The following PKHD1 variants were observed in gnomAD, a reference collection of about 807,000 sequenced individuals.
The protein encoded by PKHD1 is fibrocystin.
In PKHD1, 291 loss-of-function variants were observed where a neutral mutation model predicts 412.0. The ratio of observed to expected loss-of-function variants is 0.71; its 90% CI spans 0.64 to 0.78. PKHD1 has a LOEUF of 0.78. Among genes scored for constraint, PKHD1 ranks in the 30% least tolerant of loss-of-function variants. PKHD1 has a pLI of 0.00. For synonymous variants in PKHD1, 1,777 were observed against 1,821.5 expected (o/e 0.98, Z 0.62); for missense variants, 4,825 against 4,950.7 (o/e 0.97, Z 0.76).
chr6:51,648,807 G>T (rs528724475), intron 62 of PKHD1, among the ~76,000 whole-genome samples: 1 of 152,324 alleles, frequency 6.6e-6, no homozygotes, highest in African/African-American at 2.4e-5. Context: ...TTTCAGAGAA[G>T]ATGTGACAGA....
chr6:51,901,932 T>C (rs1429819229), intron 43 of PKHD1, among the ~76,000 whole-genome samples: 1 of 152,168 alleles, frequency 6.6e-6, no homozygotes, highest in African/African-American at 2.4e-5. Context: ...CTGGGTATTA[T>C]TCTACAGGTC....
At position 51,747,804 on chromosome 6, in the gene PKHD1, C is replaced by G; in HGVS notation, c.9812G>C (p.Gly3271Ala). Residue 3271 changes from glycine (G) to alanine (A), a missense_variant, in exon 58 of 67, where the codon GGA (glycine) becomes GCA (alanine). Physicochemically the swap from Gly to Ala is moderately conservative, Grantham distance 60 (BLOSUM62 0). Transcript: ENST00000371117. ...HKVRNDHSIS[G>A]IMKLQDVTFS... ...CATCCTACCTTGAAGTTTCATGATT[C>G]CTGAAATTGAATGATCATTCCTCAC... The G allele has an allele frequency of 6.2e-7, 1 of 1,613,780 alleles. No individual in the cohort carries two copies. The highest frequency in any genetic ancestry group is 1.1e-5 in the South Asian group (1 of 91,072).
chr6:51,778,461 G>A (rs1418992726), intron 53 of PKHD1, among the ~76,000 whole-genome samples: 1 of 152,102 alleles, frequency 6.6e-6, no homozygotes, highest in African/African-American at 2.4e-5. Context: ...TCACACAGCT[G>A]TTAAATGGCG....
chr6:52,069,432 G>C, intron 11 of PKHD1, 25 bp downstream of exon 11: 1 of 1,547,934 alleles, frequency 6.5e-7, no homozygotes. Flanking sequence ...CAAGGGAAGG[G>C]GTACTTGGTG....
At chr6:51,864,980 C>A (rs1201928053) in intron 48 of PKHD1, among the ~76,000 whole-genome samples, 1 of 151,984 alleles carries the variant, frequency 6.6e-6, no homozygotes, top group Non-Finnish European at 1.5e-5. Flanking sequence ...AATCCAAGAA[C>A]TATGTGGGAC....
intron 28 of PKHD1, among the ~76,000 whole-genome samples, chr6:52,034,973 G>T (rs149838184): frequency 5.1e-4 from 77 of 152,252 alleles, no homozygotes; most frequent in African/African-American, 1.8e-3. Context: ...ACTCTAAATA[G>T]AAAGTTCAGT....
At chr6:51,725,974 T>C (rs1782525960) in intron 60 of PKHD1, among the ~76,000 whole-genome samples, 1 of 152,200 alleles carries the variant, frequency 6.6e-6, no homozygotes, top group African/African-American at 2.4e-5. Context: ...GCAGCTCTGG[T>C]GGCCTTGAAA....
intron 60 of PKHD1, among the ~76,000 whole-genome samples, chr6:51,711,601 A>G (rs757388314): frequency 6.6e-6 from 1 of 152,200 alleles, no homozygotes; most frequent in Non-Finnish European, 1.5e-5. Context: ...CCTCTGCTGG[A>G]AGCCCTTCTG....
At chr6:51,903,103 C>T (rs1447142606) in intron 43 of PKHD1, among the ~76,000 whole-genome samples, 2 of 152,108 alleles carry the variant, frequency 1.3e-5, no homozygotes, top group Admixed American at 6.6e-5. Flanking sequence ...GACCAGGAAA[C>T]GATCAATATC....
chr6:52,033,242 T>C (rs1243534928), intron 28 of PKHD1, 77 bp from the exon 29 acceptor site: 22 of 1,131,304 alleles, frequency 1.9e-5, no homozygotes, highest in African/African-American at 3.1e-5. Context: ...GAACTCCATA[T>C]AGAATTAGTT....
At chr6:51,931,084 T>C (rs1442942197) in intron 37 of PKHD1, among the ~76,000 whole-genome samples, 2 of 152,202 alleles carry the variant, frequency 1.3e-5, no homozygotes, top group African/African-American at 2.4e-5. Context: ...TTGAAGGTCA[T>C]AGCTGATCTG....
rs935070057 is a variant in PKHD1 at position 51,616,856 on chromosome 6, T to C, written c.*2225A>G. 5.1e-6 allele frequency: 2 copies of C among 392,238 alleles called. No individual in the cohort carries two copies. Among genetic ancestry groups the C allele is most frequent in the African/African-American group, 4.1e-5 (2 of 48,456 alleles). 24.3% of individuals were successfully genotyped at this position (392,238 alleles called of 1,614,324 possible). The stretch of plus-strand genomic sequence containing the variant: ...AAAGAAGGGGCAGAAATAACAGAGC[T>C]GGCAGCTAACTCTTTGTGAAGGGCG... On this transcript the variant is annotated 3_prime_UTR_variant, in exon 67 of 67. Coordinates refer to ENST00000371117, the MANE Select transcript of PKHD1 (RefSeq NM_138694.4).
intron 43 of PKHD1, among the ~76,000 whole-genome samples, chr6:51,893,491 A>T (rs550660701): frequency 6.6e-6 from 1 of 152,368 alleles, no homozygotes; most frequent in Admixed American, 6.5e-5. Context: ...GCACTTTAAC[A>T]GTCAGATCGC....
intron 49 of PKHD1, among the ~76,000 whole-genome samples, chr6:51,851,146 GA>G (rs1196654535): frequency 6.6e-6 from 1 of 152,040 alleles, no homozygotes; most frequent in African/African-American, 2.4e-5. Context: ...TGCATCTATT[GA>G]AAAAAATCAA....
At chr6:51,833,948 T>A (rs1438246809) in intron 51 of PKHD1, among the ~76,000 whole-genome samples, 6 of 152,120 alleles carry the variant, frequency 3.9e-5, no homozygotes, top group African/African-American at 1.4e-4. Flanking sequence ...TGATGAGGCC[T>A]CTCCTTGCTT....
chr6:51,646,339 G>T (rs1770082178), intron 63 of PKHD1, among the ~76,000 whole-genome samples: 3 of 152,180 alleles, frequency 2.0e-5, no homozygotes, highest in African/African-American at 7.2e-5. Context: ...AAACCCCTAT[G>T]CATGAAGAGT....
intron 43 of PKHD1, among the ~76,000 whole-genome samples, chr6:51,891,568 C>T (rs986279622): frequency 9.2e-5 from 14 of 152,080 alleles, no homozygotes; most frequent in Middle Eastern, 3.2e-3. Flanking sequence ...CATGAGGCAC[C>T]GTGCCCAGCC....
At position 51,753,308 on chromosome 6, in the gene PKHD1, G is replaced by A. The variant is rs776277780; in HGVS notation, c.8843C>T (p.Ala2948Val). The A allele has an allele frequency of 1.9e-6, 3 of 1,613,668 alleles. No individual in the cohort carries two copies. Among genetic ancestry groups the A allele is most frequent in the Non-Finnish European group, 2.5e-6 (3 of 1,179,698 alleles). Residue 2948 changes from alanine (A) to valine (V), a missense_variant, in exon 57 of 67, where the codon GCT becomes GTT. Ala to Val is a moderately conservative substitution (Grantham distance 64, BLOSUM62 0). Transcript: ENST00000371117. Reference sequence around the variant, plus strand: ...ATTTCGGGTCAACAGTCCAACCTCAGCAGCCAAACGAATGTGTCGGCCATC... The same window carrying A: ...ATTTCGGGTCAACAGTCCAACCTCAACAGCCAAACGAATGTGTCGGCCATC... ...TEDGRHIRLA[A>V]EVGLLTRNIQ...
chr6:52,019,864 T>C (rs539304440), intron 33 of PKHD1, among the ~76,000 whole-genome samples: 1 of 152,338 alleles, frequency 6.6e-6, no homozygotes, highest in South Asian at 2.1e-4. Flanking sequence ...TGGTTAGAAG[T>C]ACAGTTTGTG....
Sources: gnomAD v4.1 joint callset for allele counts (sites outside exome capture counted in the v4.1 genomes callset) on GRCh38, gnomAD v4.1.1 for gene constraint, MANE v1.5 for transcripts, NCBI Gene and HGNC (gene_info 2026-07-23, HGNC 2026-07-21) for gene names.